The following ZNF236 variants were observed in gnomAD, a reference collection of about 807,000 sequenced individuals.
ZNF236 encodes the protein zinc finger protein 236.
Under a neutral mutation model 191.2 loss-of-function variants are expected in ZNF236, and 50 were observed. That is an observed-to-expected ratio of 0.26 (90% CI 0.21 to 0.33). The LOEUF is 0.33. Among genes scored for constraint, ZNF236 ranks in the 10% least tolerant of loss-of-function variants. The probability of loss-of-function intolerance (pLI) is 1.00; values close to 1 mark genes in which losing one functional copy is unlikely to be tolerated. For missense variants in ZNF236, 1,754 were observed against 2,374.5 expected (o/e 0.74, Z 5.43); for synonymous variants, 907 against 928.8 (o/e 0.98, Z 0.43).
intron 7 of ZNF236, among the ~76,000 whole-genome samples, chr18:76,879,096 CGTT>C (rs1976798976): frequency 1.3e-5 from 2 of 152,090 alleles, no homozygotes; most frequent in Non-Finnish European, 2.9e-5. Flanking sequence ...CAATTTTTAA[CGTT>C]GTGTAAATCA....
intron 1 of ZNF236, among the ~76,000 whole-genome samples, chr18:76,836,280 G>A (rs1454904866): frequency 6.6e-6 from 1 of 151,838 alleles, no homozygotes; most frequent in East Asian, 1.9e-4. Context: ...GAGTGCAGTG[G>A]TGCGAGCATA....
rs1368530578 is a variant in ZNF236, at chr18:76,972,443, A to ACACACTCACCCT, written c.*4116_*4127dup. On this transcript the variant is annotated 3_prime_UTR_variant, in exon 31 of 31. Transcript: ENST00000320610. ...CACCCTCACCCTCACACACTCACCC[A>ACACACTCACCCT]CACACTCACCCTCACACTCACCCAC... Among the ~76,000 whole-genome samples the ACACACTCACCCT allele has an allele frequency of 6.6e-6, 1 of 151,694 alleles. No individual in the cohort carries two copies. The highest frequency in any genetic ancestry group is 1.9e-4 in the East Asian group (1 of 5,162).
chr18:76,972,287 G>A lies in ZNF236; in HGVS notation c.*3948G>A, dbSNP rs907198304. On this transcript the variant is annotated 3_prime_UTR_variant, in exon 31 of 31. Transcript: ENST00000320610. The stretch of plus-strand genomic sequence containing the variant: ...CCACAGAGCTTTTCGTGGGCCAGAT[G>A]CCCACATATTCCTAGCAGAGACATG... Among the ~76,000 whole-genome samples, 10 of 152,220 alleles carry A rather than the reference G, an allele frequency of 6.6e-5. No individual in the cohort carries two copies. Among genetic ancestry groups the A allele is most frequent in the Non-Finnish European group, 1.0e-4 (7 of 68,042 alleles).
intron 1 of ZNF236, among the ~76,000 whole-genome samples, chr18:76,840,147 A>C (rs945648607): frequency 6.6e-6 from 1 of 152,232 alleles, no homozygotes. Flanking sequence ...TAGAAATACA[A>C]ATTTACAGGT....
At chr18:76,882,329 C>T (rs1235716916) in intron 9 of ZNF236, among the ~76,000 whole-genome samples, 1 of 152,180 alleles carries the variant, frequency 6.6e-6, no homozygotes, top group Non-Finnish European at 1.5e-5. Context: ...CTACCTCCCA[C>T]AGCACTTAGA....
Position 76,965,028 on chromosome 18 carries a change from GT to G in ZNF236, c.5420-3184del, listed in dbSNP as rs546148715. Reference sequence around the variant, plus strand: ...CCTCAGGAATGCCGATTATTCTTAGGTTTGGTCGTTTAACATAATCCCCAGA... The same window carrying G: ...CCTCAGGAATGCCGATTATTCTTAGGTTGGTCGTTTAACATAATCCCCAGA... On this transcript the variant is annotated intron_variant, in intron 30 of 30. Coordinates refer to ENST00000320610, the MANE Select transcript of ZNF236 (RefSeq NM_001306089.2). Among the ~76,000 whole-genome samples the G allele has an allele frequency of 1.8e-3, 281 of 152,234 alleles. 1 individual carries two copies. The highest frequency in any genetic ancestry group is 6.6e-3 in the African/African-American group (273 of 41,546).
rs1431161248 is a variant in ZNF236, at chr18:76,904,447, A to G, written c.1962A>G (p.Glu654=). ...QSYFNNNFVN[E]ADRPYKCFYC... ...ATTTCAATAATAATTTTGTCAATGA[A>G]GCAGATAGACCATACAAGTGTTTTT... The change falls in exon 12 of 31, where the codon GAA becomes GAG. Residue 654 remains glutamate (E), a synonymous_variant. Coordinates refer to ENST00000320610, the MANE Select transcript of ZNF236 (RefSeq NM_001306089.2). 1 of 1,611,576 alleles carries G rather than the reference A, an allele frequency of 6.2e-7. No individual in the cohort carries two copies. The highest frequency in any genetic ancestry group is 1.7e-5 in the Admixed American group (1 of 59,594).
chr18:76,879,985 T>C (rs1352982240), intron 7 of ZNF236, 128 bp from the exon 8 acceptor site: 5 of 836,564 alleles, frequency 6.0e-6, no homozygotes, highest in Non-Finnish European at 9.2e-6. Context: ...TATTTAAAAT[T>C]TATGTTTAGG....
rs1178894050 is a variant in ZNF236 at position 76,964,403 on chromosome 18, A to G, written c.5419+3548A>G. 2.0e-5 allele frequency among the ~76,000 whole-genome samples: 3 copies of G among 152,278 alleles called. No individual in the cohort carries two copies. In the East Asian group the frequency reaches 5.8e-4, roughly 29 times the overall value. ...CCTTTTGGAATTTATTTGCAGTTTT[A>G]TTCCACTGTGGTCTGAGAGAGAGCT... On this transcript the variant is annotated intron_variant, in intron 30 of 30. Transcript: ENST00000320610.
At position 76,915,684 on chromosome 18, in the gene ZNF236, C is replaced by T; in HGVS notation, c.3099C>T (p.Ser1033=). ...KAFSCSVCNA[S]FTTNGSLTRH... is the part of the protein sequence containing the mutation. ...TCAGCTGCAGTGTGTGCAATGCTTC[C>T]TTCACCACCAATGGCAGCCTCACCC... The change falls in exon 19 of 31, where the codon TCC becomes TCT. Residue 1033 remains serine, a synonymous_variant. Coordinates refer to ENST00000320610, the MANE Select transcript of ZNF236 (RefSeq NM_001306089.2). The T allele has an allele frequency of 6.2e-7, 1 of 1,614,060 alleles. No homozygotes were observed. The highest frequency in any genetic ancestry group is 8.5e-7 in the Non-Finnish European group (1 of 1,180,026).
intron 12 of ZNF236, among the ~76,000 whole-genome samples, chr18:76,904,853 C>T (rs941977189): frequency 1.3e-5 from 2 of 152,130 alleles, no homozygotes; most frequent in African/African-American, 2.4e-5. Flanking sequence ...TTAGTGCTAG[C>T]CACAGTGAAA....
intron 13 of ZNF236, among the ~76,000 whole-genome samples, chr18:76,906,903 A>G (rs929495088): frequency 3.3e-5 from 5 of 152,218 alleles, no homozygotes; most frequent in Non-Finnish European, 4.4e-5. Flanking sequence ...AAATTCCCAA[A>G]ATACCACATA....
At chr18:76,825,520 C>T (rs4890942) in intron 1 of ZNF236, among the ~76,000 whole-genome samples, 28,043 of 151,900 alleles carry the variant, frequency 0.18, 2,782 homozygotes, top group East Asian at 0.37. Context: ...ACAGGTTGCA[C>T]CAGAGAAAAT....
chr18:76,892,061 G>A (rs992574310), intron 9 of ZNF236, among the ~76,000 whole-genome samples: 4 of 151,324 alleles, frequency 2.6e-5, no homozygotes, highest in African/African-American at 9.7e-5. Flanking sequence ...AATTAAACCA[G>A]GGAGAATTGA....
chr18:76,923,158 T>C lies in ZNF236; in HGVS notation c.3645T>C (p.His1215=). The C allele has an allele frequency of 1.2e-6, 2 of 1,612,974 alleles. No individual in the cohort carries two copies. Among genetic ancestry groups the C allele is most frequent in the South Asian group, 2.2e-5 (2 of 91,070 alleles). Residue 1215 remains histidine (H), a synonymous_variant, in exon 21 of 31, where the codon CAT becomes CAC. Transcript: ENST00000320610. ...SFTVKSTLDC[H]VKTHTGQKLF... Reference sequence around the variant, plus strand: ...CTGTGAAATCCACTCTCGATTGTCATGTGAAGACTCACACAGGTAAGGAAA... The same window carrying C: ...CTGTGAAATCCACTCTCGATTGTCACGTGAAGACTCACACAGGTAAGGAAA...
intron 1 of ZNF236, among the ~76,000 whole-genome samples, chr18:76,838,235 A>G (rs1975390251): frequency 6.6e-6 from 1 of 152,212 alleles, no homozygotes; most frequent in African/African-American, 2.4e-5. Flanking sequence ...ATTTTCATAA[A>G]GTTACTATTT....
At chr18:76,822,947 C>T (rs1398319894) in intron 1 of ZNF236, among the ~76,000 whole-genome samples, 1 of 148,176 alleles carries the variant, frequency 6.7e-6, no homozygotes, top group African/African-American at 2.4e-5. Flanking sequence ...CAGGCGGCCG[C>T]CTCCTGCGCG....
intron 1 of ZNF236, 152 bp from the exon 2 acceptor site, chr18:76,849,374 T>TA (rs1568194063): frequency 7.1e-6 from 4 of 560,776 alleles, no homozygotes; most frequent in African/African-American, 2.0e-5. Flanking sequence ...ACATGTCAAT[T>TA]AAAAAAATTC....
rs572862778 is a variant in ZNF236, at chr18:76,937,462, CA to C, written c.4782+120del. ...GCATTTTTTTTCCCCAAAATCGAAG[CA>C]TTTTTTTTCTGATTAAAAAATACGG... is the stretch of plus-strand genomic sequence containing the variant. On this transcript the variant is annotated intron_variant, in intron 26 of 30. Coordinates refer to ENST00000320610, the MANE Select transcript of ZNF236 (RefSeq NM_001306089.2). 137 of 935,874 alleles carry C rather than the reference CA, an allele frequency of 1.5e-4. 4 individuals carry two copies. The South Asian group carries it at 3.9e-3, about 26-fold the overall frequency. The allele number at this position is 935,874 out of a possible 1,614,324, so 58.0% of individuals were successfully genotyped here. A position where few individuals can be genotyped will look rare whatever the true frequency, so the allele number is the denominator to read the frequency against.
Sources: allele counts gnomAD v4.1 joint callset (sites outside exome capture counted in the v4.1 genomes callset), GRCh38; gene constraint gnomAD v4.1.1; transcripts MANE v1.5; gene names NCBI Gene and HGNC (gene_info 2026-07-23, HGNC 2026-07-21).